Variants in SMYD3 observed in about 807,000 individuals in gnomAD.
SMYD3 encodes histone-lysine N-methyltransferase SMYD3.
SMYD3 carries 36 observed loss-of-function variants against 57.7 expected under a neutral mutation model. The ratio of observed to expected loss-of-function variants is 0.62; its 90% CI spans 0.48 to 0.82. SMYD3 has a LOEUF of 0.82. Among genes scored for constraint, SMYD3 ranks in the 40% least tolerant of loss-of-function variants. The probability of loss-of-function intolerance (pLI) is 0.00; values close to 1 mark genes in which losing one functional copy is unlikely to be tolerated. For missense variants in SMYD3, 515 were observed against 538.8 expected, an observed-to-expected ratio of 0.96 and a Z score of 0.44; for synonymous variants, 211 against 195.0, an observed-to-expected ratio of 1.08 and a Z score of -0.68.
At chr1:245,858,462 T>C (rs778045940) in intron 10 of SMYD3, 34 bp downstream of exon 10, 2 of 1,596,628 alleles carry the variant, frequency 1.3e-6, no homozygotes, top group African/African-American at 2.7e-5. Flanking sequence ...GAAGACGTCC[T>C]AGCCCTTATG....
intron 10 of SMYD3, among the ~76,000 whole-genome samples, chr1:245,837,201 G>A (rs1010374338): frequency 3.7e-4 from 56 of 149,620 alleles, no homozygotes; most frequent in African/African-American, 1.3e-3. Flanking sequence ...GTGGGCACCT[G>A]TAATCCCAGC....
chr1:245,918,014 A>C (rs1338175784), intron 7 of SMYD3, among the ~76,000 whole-genome samples: 1 of 152,168 alleles, frequency 6.6e-6, no homozygotes, highest in Non-Finnish European at 1.5e-5. Flanking sequence ...GACTCTCTCA[A>C]GCTGTAGGGG....
chr1:246,255,431 A>G (rs2063866601), intron 5 of SMYD3, among the ~76,000 whole-genome samples: 1 of 151,556 alleles, frequency 6.6e-6, no homozygotes, highest in Admixed American at 6.6e-5. Flanking sequence ...TCCATTGGGG[A>G]TGATCATATG....
intron 10 of SMYD3, among the ~76,000 whole-genome samples, chr1:245,822,941 A>T (rs1216768033): frequency 1.3e-5 from 2 of 152,234 alleles, no homozygotes; most frequent in Non-Finnish European, 2.9e-5. Context: ...GTAAGAAGAC[A>T]TGTCCCCTGC....
intron 5 of SMYD3, among the ~76,000 whole-genome samples, chr1:246,256,504 T>C (rs971927644): frequency 2.0e-5 from 3 of 152,234 alleles, no homozygotes; most frequent in Non-Finnish European, 4.4e-5. Context: ...GGATCTTTTG[T>C]GTTTCTGTGG....
chr1:246,433,423 G>T (rs59760763), intron 1 of SMYD3, among the ~76,000 whole-genome samples: 1 of 152,192 alleles, frequency 6.6e-6, no homozygotes, highest in Non-Finnish European at 1.5e-5. Flanking sequence ...CACTTTGGGA[G>T]GCCAAGGTGG....
At chr1:246,136,743 T>G (rs139028155) in intron 5 of SMYD3, among the ~76,000 whole-genome samples, 156 of 152,264 alleles carry the variant, frequency 1.0e-3, no homozygotes, top group African/African-American at 3.2e-3. Flanking sequence ...AATAAGTGAA[T>G]GAGTGGGCAT....
At chr1:246,229,545 T>G (rs1270894042) in intron 5 of SMYD3, among the ~76,000 whole-genome samples, 1 of 152,228 alleles carries the variant, frequency 6.6e-6, no homozygotes, top group Non-Finnish European at 1.5e-5. Flanking sequence ...TACCATAGTC[T>G]GTTTTCGCAG....
intron 10 of SMYD3, among the ~76,000 whole-genome samples, chr1:245,787,053 C>T (rs1212959247): frequency 4.6e-5 from 7 of 152,214 alleles, no homozygotes; most frequent in Admixed American, 4.6e-4. Context: ...TGCTGGCAAA[C>T]AGAATTGTGT....
At chr1:246,073,265 A>G (rs2060488713) in intron 5 of SMYD3, among the ~76,000 whole-genome samples, 1 of 152,244 alleles carries the variant, frequency 6.6e-6, no homozygotes, top group East Asian at 1.9e-4. Flanking sequence ...TTTACTGTGT[A>G]AAGTGGCCTA....
intron 5 of SMYD3, among the ~76,000 whole-genome samples, chr1:246,175,093 G>T (rs527677940): frequency 3.7e-4 from 57 of 152,078 alleles, no homozygotes; most frequent in Non-Finnish European, 7.5e-4. Context: ...ATTATTGGGG[G>T]AAAAACTAAG....
Position 245,976,933 on chromosome 1 carries a change from T to C in SMYD3, c.532-46996A>G, listed in dbSNP as rs71533450. On this transcript the variant is annotated intron_variant, in intron 5 of 11. Coordinates refer to ENST00000490107, the MANE Select transcript of SMYD3 (RefSeq NM_001167740.2). ...CTAGGGAAAGCCATCGTCTCTAGCC[T>C]AGGGAAAGCCATCGTCTCTAGCCTA... Among the ~76,000 whole-genome samples, 223 of 27,930 alleles carry C rather than the reference T, an allele frequency of 8.0e-3. 14 individuals are homozygous for C. The highest frequency in any genetic ancestry group is 1.0e-2 in the African/African-American group (99 of 9,906). The allele number at this position is 27,930 out of a possible 152,430, so 18.3% of individuals were successfully genotyped here.
intron 2 of SMYD3, among the ~76,000 whole-genome samples, chr1:246,345,489 G>A (rs533170817): frequency 7.9e-5 from 12 of 152,186 alleles, no homozygotes; most frequent in South Asian, 4.2e-4. Flanking sequence ...AAATGTTTGC[G>A]TTATACTTAC....
intron 5 of SMYD3, among the ~76,000 whole-genome samples, chr1:246,324,152 C>A (rs565436030): frequency 4.6e-5 from 7 of 152,258 alleles, no homozygotes; most frequent in Middle Eastern, 3.4e-3. Context: ...CGGTAGCTCA[C>A]GTCTGTAATC....
chr1:246,314,566 G>A (rs1572369428), intron 5 of SMYD3, among the ~76,000 whole-genome samples: 3 of 152,114 alleles, frequency 2.0e-5, no homozygotes, highest in Non-Finnish European at 4.4e-5. Context: ...TGATCAATCC[G>A]CCAATTGTCC....
At chr1:245,815,550 A>C (rs1306091754) in intron 10 of SMYD3, among the ~76,000 whole-genome samples, 1 of 152,216 alleles carries the variant, frequency 6.6e-6, no homozygotes, top group Non-Finnish European at 1.5e-5. Flanking sequence ...GCATATTAAG[A>C]CTTGAGCATC....
intron 1 of SMYD3, among the ~76,000 whole-genome samples, chr1:246,472,133 C>T (rs1337679391): frequency 1.3e-5 from 2 of 152,032 alleles, no homozygotes; most frequent in African/African-American, 4.8e-5. Flanking sequence ...CACTCCAGCA[C>T]AAGCCACAAG....
chr1:246,202,116 A>C lies in SMYD3; in HGVS notation c.531+125085T>G, dbSNP rs1375968897. Among the ~76,000 whole-genome samples, 1 of 152,100 alleles carries C rather than the reference A, an allele frequency of 6.6e-6. No individual in the cohort carries two copies. The highest frequency in any genetic ancestry group is 2.4e-5 in the African/African-American group (1 of 41,434). On this transcript the variant is annotated intron_variant, in intron 5 of 11. Coordinates refer to ENST00000490107, the MANE Select transcript of SMYD3 (RefSeq NM_001167740.2). The surrounding 1 kb of genome is among the most constrained non-coding windows in gnomAD (Gnocchi z 4.1). Reference sequence around the variant, plus strand: ...GCAAAATAATAATTATTATTTCTAGATGGTGAGCTAATGGGTGATTTTTAT... The same window carrying C: ...GCAAAATAATAATTATTATTTCTAGCTGGTGAGCTAATGGGTGATTTTTAT...
rs1370937667 is a variant in SMYD3, at chr1:246,377,196, AAGTT to A, written c.165-22106_165-22103del. ...TAACTAAATTTTTCAAAACAAAAATAAGTTAGTGAGGAAAGTGGTAATGTTTTAC... is the reference window on the plus strand; with the variant it reads ...TAACTAAATTTTTCAAAACAAAAATAAGTGAGGAAAGTGGTAATGTTTTAC... On this transcript the variant is annotated intron_variant, in intron 1 of 11. Transcript: ENST00000490107. Among the ~76,000 whole-genome samples the A allele has an allele frequency of 4.6e-5, 7 of 152,342 alleles. No individual in the cohort carries two copies. In the East Asian group the frequency reaches 5.8e-4, roughly 13 times the overall value.
Sources: allele counts gnomAD v4.1 joint callset (sites outside exome capture counted in the v4.1 genomes callset), GRCh38; gene constraint gnomAD v4.1.1; non-coding constraint Gnocchi (gnomAD v3.1); transcripts MANE v1.5; gene names NCBI Gene and HGNC (gene_info 2026-07-23, HGNC 2026-07-21).